Variants in TMED2 observed in about 807,000 individuals in gnomAD.
The protein encoded by TMED2 is transmembrane emp24 domain-containing protein 2.
Under a neutral mutation model 17.5 loss-of-function variants are expected in TMED2, and 3 were observed. The observed-to-expected ratio is 0.17, with a 90% CI of 0.08 to 0.44. The LOEUF is 0.44. Among genes scored for constraint, TMED2 ranks in the 20% least tolerant of loss-of-function variants. The probability of loss-of-function intolerance (pLI) is 0.99; values close to 1 mark genes in which losing one functional copy is unlikely to be tolerated. For missense variants in TMED2, 149 were observed against 254.8 expected (o/e 0.58, Z 2.83); for synonymous variants, 95 against 91.0 (o/e 1.04, Z -0.25).
chr12:123,595,429 C>G (rs1953424294), intron 3 of TMED2, among the ~76,000 whole-genome samples: 1 of 152,058 alleles, frequency 6.6e-6, no homozygotes, highest in South Asian at 2.1e-4. Flanking sequence ...GTAACCTCTT[C>G]CATTGAGAAC....
In TMED2 at chr12:123,584,768, C is replaced by T. The variant is rs1295928768; in HGVS notation, c.132C>T (p.Gly44=). 6.2e-7 allele frequency: 1 copy of T among 1,613,350 alleles called. No homozygotes were observed. The highest frequency in any genetic ancestry group is 8.5e-7 in the Non-Finnish European group (1 of 1,179,882). The change falls in exon 1 of 4, where the codon GGC becomes GGT. Residue 44 remains glycine, a synonymous_variant. Transcript: ENST00000262225. ...GGGTCACCTCGGGCACCAAGATGGG[C>T]CTCATCTTCGAGGTGGCGGAGGGCG... ...FERVTSGTKM[G]LIFEVAEGGF...
chr12:123,586,993 C>G (rs552337283), intron 2 of TMED2, 54 bp downstream of exon 2: 350 of 1,468,740 alleles, frequency 2.4e-4, no homozygotes, highest in Middle Eastern at 7.3e-4. Flanking sequence ...AATTTTAGTT[C>G]TATACATTTT....
At chr12:123,593,701 C>T (rs1266591523) in intron 3 of TMED2, among the ~76,000 whole-genome samples, 6 of 152,270 alleles carry the variant, frequency 3.9e-5, no homozygotes, top group South Asian at 2.1e-4. Context: ...GGTTTCACCA[C>T]GTTGGCCAGG....
At chr12:123,591,680 G>A (rs1343901666) in intron 3 of TMED2, among the ~76,000 whole-genome samples, 2 of 152,204 alleles carry the variant, frequency 1.3e-5, no homozygotes, top group Non-Finnish European at 2.9e-5. Context: ...TACTCAGGAG[G>A]CTGAGGCAGG....
At chr12:123,589,491 TAGTC>T (rs1953375710) in intron 2 of TMED2, among the ~76,000 whole-genome samples, 1 of 152,230 alleles carries the variant, frequency 6.6e-6, no homozygotes, top group Admixed American at 6.5e-5. Context: ...CTGTAGTTAA[TAGTC>T]AGTATAGTGA....
chr12:123,588,977 G>T (rs771198039), intron 2 of TMED2, among the ~76,000 whole-genome samples: 1 of 152,164 alleles, frequency 6.6e-6, no homozygotes, highest in Non-Finnish European at 1.5e-5. Context: ...ACTTGGGGTT[G>T]TCTGCGAGAA....
chr12:123,584,808 G>A lies in TMED2; in HGVS notation c.172G>A (p.Asp58Asn). ...EVAEGGFLDI[D>N]VEITGPDNKG... The stretch of plus-strand genomic sequence containing the variant: ...GGCGGAGGGCGGCTTCCTGGACATC[G>A]ACGTGGAGGTGCGGGCTAGCTGCCC... The change falls in exon 1 of 4, where the codon GAC (aspartate) becomes AAC (asparagine). Residue 58 changes from aspartate to asparagine, a missense_variant. Coordinates refer to ENST00000262225, the MANE Select transcript of TMED2 (RefSeq NM_006815.4). 6.2e-7 allele frequency: 1 copy of A among 1,609,982 alleles called. No homozygotes were observed. Among genetic ancestry groups the A allele is most frequent in the South Asian group, 1.1e-5 (1 of 91,076 alleles).
intron 2 of TMED2, 56 bp downstream of exon 2, chr12:123,586,995 ATACAT>A: frequency 6.9e-7 from 1 of 1,458,402 alleles, no homozygotes. Flanking sequence ...TTTTAGTTCT[ATACAT>A]TTTTACCTGT....
At chr12:123,589,831 C>G (rs1244153097) in intron 2 of TMED2, among the ~76,000 whole-genome samples, 1 of 151,752 alleles carries the variant, frequency 6.6e-6, no homozygotes, top group Non-Finnish European at 1.5e-5. Context: ...GACCCCGTCT[C>G]TAAAAAATAA....
intron 1 of TMED2, 56 bp from the exon 2 acceptor site, chr12:123,586,691 T>TA (rs146557722): frequency 0.1 from 155,847 of 1,496,666 alleles, 8,942 homozygotes; most frequent in Non-Finnish European, 0.12. Context: ...ACATTACTTA[T>TA]AAAGTCTATG....
At chr12:123,589,984 TG>T (rs1953379353) in intron 2 of TMED2, among the ~76,000 whole-genome samples, 1 of 142,684 alleles carries the variant, frequency 7.0e-6, no homozygotes, top group Non-Finnish European at 1.5e-5. Flanking sequence ...GATCCTGTCT[TG>T]AAAAAAAAAA....
chr12:123,585,315 G>A (rs941191425), intron 1 of TMED2, among the ~76,000 whole-genome samples: 9 of 152,176 alleles, frequency 5.9e-5, no homozygotes, highest in Non-Finnish European at 1.2e-4. Context: ...ATACTTTCGC[G>A]TTGTGTTTAT....
chr12:123,596,467 T>A, intron 3 of TMED2, 138 bp from the exon 4 acceptor site: 1 of 1,129,520 alleles, frequency 8.9e-7, no homozygotes, highest in Non-Finnish European at 1.2e-6. Context: ...AACCCCATCG[T>A]AAGTTGAGGA....
chr12:123,590,054 AGGT>A (rs1038050189), intron 2 of TMED2, among the ~76,000 whole-genome samples: 25 of 152,088 alleles, frequency 1.6e-4, no homozygotes, highest in Admixed American at 3.3e-4. Context: ...AGGCTCAAGC[AGGT>A]GGATCACCTG....
intron 3 of TMED2, among the ~76,000 whole-genome samples, chr12:123,592,550 G>T (rs1953399487): frequency 6.6e-6 from 1 of 152,194 alleles, no homozygotes; most frequent in Non-Finnish European, 1.5e-5. Context: ...ATATTTAAAA[G>T]TGTTAGCAAT....
In TMED2 at chr12:123,586,764, C is replaced by G. The variant is rs1953349238; in HGVS notation, c.198C>G (p.Asn66Lys). The G allele has an allele frequency of 6.2e-7, 1 of 1,601,878 alleles. No individual in the cohort carries two copies. Among genetic ancestry groups the G allele is most frequent in the African/African-American group, 1.3e-5 (1 of 74,556 alleles). The change falls in exon 2 of 4, where the codon AAC (asparagine) becomes AAG (lysine). Residue 66 changes from asparagine to lysine, a missense_variant. Asn to Lys is a moderately conservative substitution (Grantham distance 94, BLOSUM62 0). Transcript: ENST00000262225. ...GCCTCCAGATTACAGGACCAGATAA[C>G]AAAGGAATTTACAAAGGAGACAGAG... ...DIDVEITGPD[N>K]KGIYKGDRES... is the part of the protein sequence containing the mutation.
Position 123,585,539 on chromosome 12 carries a change from T to C in TMED2, c.180+723T>C, listed in dbSNP as rs117765292. Reference sequence around the variant, plus strand: ...AAAAGAATGATGTGTTGCTAGTTTTTATTTTAATTCACCTGCTAGCATGAT... The same window carrying C: ...AAAAGAATGATGTGTTGCTAGTTTTCATTTTAATTCACCTGCTAGCATGAT... On this transcript the variant is annotated intron_variant, in intron 1 of 3. Transcript: ENST00000262225. 19 of 152,360 alleles carry C rather than the reference T, an allele frequency of 1.2e-4. No homozygotes were observed. In the East Asian group the frequency reaches 3.7e-3, roughly 29 times the overall value. The allele number at this position is 152,360 out of a possible 1,614,324, so 9.4% of individuals were successfully genotyped here. A position where few individuals can be genotyped will look rare whatever the true frequency, so the allele number is the denominator to read the frequency against.
intron 3 of TMED2, among the ~76,000 whole-genome samples, chr12:123,591,510 G>A (rs1222087909): frequency 6.6e-6 from 1 of 152,168 alleles, no homozygotes; most frequent in African/African-American, 2.4e-5. Context: ...GTGGCTGGGG[G>A]CAGTGGCTCA....
intron 3 of TMED2, 46 bp downstream of exon 3, chr12:123,590,495 T>G (rs747582538): frequency 2.7e-6 from 4 of 1,460,842 alleles, no homozygotes; most frequent in Middle Eastern, 1.8e-4. Context: ...TGGTGAAGGT[T>G]GTTTTACTCA....
Sources: gnomAD v4.1 joint callset for allele counts (sites outside exome capture counted in the v4.1 genomes callset) on GRCh38, gnomAD v4.1.1 for gene constraint, MANE v1.5 for transcripts, NCBI Gene and HGNC (gene_info 2026-07-23, HGNC 2026-07-21) for gene names.